COTL1: variants seen among roughly 807,000 people sequenced by gnomAD.
COTL1 encodes coactosin like F-actin binding protein 1.
A neutral mutation model predicts 16.5 loss-of-function variants in COTL1; 15 were observed. The ratio of observed to expected loss-of-function variants is 0.91; its 90% CI spans 0.61 to 1.40. The LOEUF (loss-of-function observed/expected upper bound fraction) is 1.40. Among genes scored for constraint, COTL1 ranks in the 40% most tolerant of loss-of-function variants. The probability of loss-of-function intolerance (pLI) is 0.00; values close to 1 mark genes in which losing one functional copy is unlikely to be tolerated. For missense variants in COTL1, 220 were observed against 201.5 expected (o/e 1.09, Z -0.56); for synonymous variants, 112 against 85.3 (o/e 1.31, Z -1.73).
At chr16:84,578,259 T>G (rs899891399) in intron 3 of COTL1, among the ~76,000 whole-genome samples, 2 of 152,190 alleles carry the variant, frequency 1.3e-5, no homozygotes, top group Non-Finnish European at 2.9e-5. Context: ...ACATCCATGT[T>G]TGGGGATTTT....
At position 84,617,991 on chromosome 16, in the gene COTL1, C is replaced by G; in HGVS notation, c.-77G>C. The G allele has an allele frequency of 1.9e-6, 2 of 1,057,564 alleles. No individual in the cohort carries two copies. The highest frequency in any genetic ancestry group is 2.5e-6 in the Non-Finnish European group (2 of 812,404). 65.5% of individuals were successfully genotyped at this position (1,057,564 alleles called of 1,614,324 possible). On this transcript the variant is annotated 5_prime_UTR_variant, in exon 1 of 4. Transcript: ENST00000262428. ...GCCGGCGGCGGGGATGGGAGCGCGG[C>G]GGGTACGCGCCGAGGGCGCACGGGC...
At chr16:84,584,540 C>G (rs1567533687) in intron 3 of COTL1, among the ~76,000 whole-genome samples, 1 of 152,172 alleles carries the variant, frequency 6.6e-6, no homozygotes, top group Non-Finnish European at 1.5e-5. Context: ...TCAGCGCTGG[C>G]AAGTGTGGGT....
intron 2 of COTL1, among the ~76,000 whole-genome samples, chr16:84,605,725 C>G (rs773445277): frequency 6.6e-6 from 1 of 152,234 alleles, no homozygotes; most frequent in Non-Finnish European, 1.5e-5. Context: ...TCCCCTGGAG[C>G]CTCCAGGAGA....
At chr16:84,613,829 C>A (rs966169111) in intron 2 of COTL1, among the ~76,000 whole-genome samples, 1 of 151,772 alleles carries the variant, frequency 6.6e-6, no homozygotes, top group African/African-American at 2.4e-5. Context: ...GGCTGCCCCG[C>A]CCCCCACCCA....
rs192637212 is a variant in COTL1, at chr16:84,578,767, G to A, written c.318+11338C>T. The stretch of plus-strand genomic sequence containing the variant: ...CACATACATGCACATGCACATACAG[G>A]CATGTGCAGACATACACACACAGAC... On this transcript the variant is annotated intron_variant, in intron 3 of 3. Transcript: ENST00000262428. 1.8e-3 allele frequency among the ~76,000 whole-genome samples: 265 copies of A among 149,618 alleles called. 1 individual carries two copies. Among genetic ancestry groups the A allele is most frequent in the African/African-American group, 6.4e-3 (259 of 40,552 alleles).
intron 2 of COTL1, among the ~76,000 whole-genome samples, chr16:84,598,022 C>G (rs1294936975): frequency 6.6e-6 from 1 of 152,202 alleles, no homozygotes; most frequent in Non-Finnish European, 1.5e-5. Flanking sequence ...CACACTGAGC[C>G]CCATCTCAGG....
chr16:84,608,480 C>T (rs1597185425), intron 2 of COTL1, among the ~76,000 whole-genome samples: 1 of 152,196 alleles, frequency 6.6e-6, no homozygotes, highest in East Asian at 1.9e-4. Flanking sequence ...CCTGTGGACA[C>T]ACAAAAAAGC....
chr16:84,579,499 T>C (rs1280997590), intron 3 of COTL1, among the ~76,000 whole-genome samples: 1 of 151,966 alleles, frequency 6.6e-6, no homozygotes, highest in Non-Finnish European at 1.5e-5. Flanking sequence ...AAAAACAAAT[T>C]ATAAAAACAA....
intron 2 of COTL1, among the ~76,000 whole-genome samples, chr16:84,614,702 G>A (rs140056623): frequency 3.0e-4 from 46 of 152,274 alleles, no homozygotes; most frequent in African/African-American, 1.1e-3. Context: ...TTTGGAAGCA[G>A]GAAGCCCGAA....
chr16:84,617,734 C>A, intron 1 of COTL1, 104 bp downstream of exon 1: 2 of 1,391,356 alleles, frequency 1.4e-6, no homozygotes, highest in Non-Finnish European at 2.0e-6. Flanking sequence ...GCGAGGAAGA[C>A]AGCGCGGGAG....
At chr16:84,567,768 C>T (rs1466457969) in intron 3 of COTL1, 1 of 152,238 alleles carries the variant, frequency 6.6e-6, no homozygotes, top group Non-Finnish European at 1.5e-5. Flanking sequence ...TCAGTAAACG[C>T]TTGTGGCATG....
At chr16:84,579,090 C>T (rs1469393970) in intron 3 of COTL1, among the ~76,000 whole-genome samples, 10 of 152,186 alleles carry the variant, frequency 6.6e-5, no homozygotes, top group Admixed American at 6.5e-4. Flanking sequence ...CACTCCCACA[C>T]ACAGGCATGC....
At chr16:84,614,255 A>AGGGGCAGGCAGCGAGGAAGGCCGG (rs1905410572) in intron 2 of COTL1, among the ~76,000 whole-genome samples, 1 of 152,196 alleles carries the variant, frequency 6.6e-6, no homozygotes, top group African/African-American at 2.4e-5. Flanking sequence ...GAGGTAGCGG[A>AGGGGCAGGCAGCGAGGAAGGCCGG]GGGGCAGGCA....
chr16:84,568,691 A>G (rs922682002), intron 3 of COTL1: 1 of 152,250 alleles, frequency 6.6e-6, no homozygotes, highest in Non-Finnish European at 1.5e-5. Flanking sequence ...GATTGTGGTA[A>G]TGGGTGCACA....
intron 2 of COTL1, among the ~76,000 whole-genome samples, chr16:84,611,070 A>T (rs1905313101): frequency 6.6e-6 from 1 of 152,224 alleles, no homozygotes; most frequent in African/African-American, 2.4e-5. Context: ...CCTTACAGCA[A>T]CCTACATGCA....
chr16:84,614,750 C>T (rs150302853), intron 2 of COTL1, among the ~76,000 whole-genome samples: 156 of 152,204 alleles, frequency 1.0e-3, no homozygotes, highest in African/African-American at 3.6e-3. Flanking sequence ...TGTCAGGATA[C>T]CTGGCAGGGA....
chr16:84,574,574 A>G (rs1904409534), intron 3 of COTL1, among the ~76,000 whole-genome samples: 1 of 152,122 alleles, frequency 6.6e-6, no homozygotes, highest in Admixed American at 6.6e-5. Context: ...CAGCAAGTGG[A>G]AGACCAGTTT....
At chr16:84,589,079 T>A (rs986348763) in intron 3 of COTL1, among the ~76,000 whole-genome samples, 2 of 152,094 alleles carry the variant, frequency 1.3e-5, no homozygotes, top group African/African-American at 4.8e-5. Context: ...CCAGCGAACC[T>A]CCCGCCTCAG....
chr16:84,614,014 C>A lies in COTL1; in HGVS notation c.160+3487G>T, dbSNP rs61187466. 5.0e-3 allele frequency among the ~76,000 whole-genome samples: 765 copies of A among 152,210 alleles called. 6 individuals are homozygous for A. Among genetic ancestry groups the A allele is most frequent in the Non-Finnish European group, 8.1e-3 (548 of 68,004 alleles). Reference sequence around the variant, plus strand: ...CTCTGCCCAGGGGCTAAACCTCCCCCCTCCCCGCAAGAATGGAGGTGAAGG... The same window carrying A: ...CTCTGCCCAGGGGCTAAACCTCCCCACTCCCCGCAAGAATGGAGGTGAAGG... On this transcript the variant is annotated intron_variant, in intron 2 of 3. Coordinates refer to ENST00000262428, the MANE Select transcript of COTL1 (RefSeq NM_021149.5).
Sources: allele counts gnomAD v4.1 joint callset (sites outside exome capture counted in the v4.1 genomes callset), GRCh38; gene constraint gnomAD v4.1.1; transcripts MANE v1.5; gene names NCBI Gene and HGNC (gene_info 2026-07-23, HGNC 2026-07-21).